The following NTM variants were observed in gnomAD, a reference collection of about 807,000 sequenced individuals.
NTM encodes the protein neurotrimin.
A neutral mutation model predicts 42.1 loss-of-function variants in NTM; 13 were observed. That is an observed-to-expected ratio of 0.31 (90% CI 0.20 to 0.49). NTM has a LOEUF of 0.49. Among genes scored for constraint, NTM ranks in the 20% least tolerant of loss-of-function variants. The pLI, the probability that NTM is intolerant of heterozygous loss-of-function variation, is 0.99. For missense variants in NTM, 373 were observed against 452.8 expected (o/e 0.82, Z 1.60); for synonymous variants, 187 against 179.2 (o/e 1.04, Z -0.35).
intron 1 of NTM, among the ~76,000 whole-genome samples, chr11:131,557,345 G>A (rs117724404): frequency 0.022 from 3,380 of 152,158 alleles, 64 homozygotes; most frequent in Non-Finnish European, 0.036. Context: ...GATCATTGAC[G>A]CCCCGACCCT....
At chr11:132,118,838 A>G (rs2064280849) in intron 2 of NTM, among the ~76,000 whole-genome samples, 1 of 152,160 alleles carries the variant, frequency 6.6e-6, no homozygotes, top group Non-Finnish European at 1.5e-5. Flanking sequence ...GTGAGGAGGT[A>G]ATCTGTTCTT....
chr11:131,806,792 G>A (rs2092512057), intron 1 of NTM, among the ~76,000 whole-genome samples: 2 of 152,114 alleles, frequency 1.3e-5, no homozygotes, highest in Admixed American at 1.3e-4. Context: ...GATATTTATG[G>A]ATTTCTTATT....
chr11:131,957,115 A>G (rs71485706), intron 2 of NTM, among the ~76,000 whole-genome samples: 17,539 of 152,240 alleles, frequency 0.12, 1,031 homozygotes, highest in East Asian at 0.21. Flanking sequence ...CGAGGTGGCC[A>G]TGCTAGAATT....
At chr11:131,655,341 T>C (rs2067043010) in intron 1 of NTM, among the ~76,000 whole-genome samples, 1 of 152,258 alleles carries the variant, frequency 6.6e-6, no homozygotes, top group African/African-American at 2.4e-5. Flanking sequence ...TCTGGAATTC[T>C]TAGCAATTTC....
chr11:131,903,768 C>T (rs528505937), intron 1 of NTM, among the ~76,000 whole-genome samples: 76 of 152,254 alleles, frequency 5.0e-4, no homozygotes, highest in South Asian at 6.2e-4. Flanking sequence ...CAGAGCTATT[C>T]CAGTGAGCTG....
chr11:132,210,061 A>G (rs937587799), intron 3 of NTM, among the ~76,000 whole-genome samples: 1 of 152,088 alleles, frequency 6.6e-6, no homozygotes, highest in African/African-American at 2.4e-5. Context: ...TTGCAAACCC[A>G]TCTGATTTTA....
intron 2 of NTM, among the ~76,000 whole-genome samples, chr11:132,024,048 GACCTCGTGATCCGCCC>G: frequency 6.6e-6 from 1 of 151,876 alleles, no homozygotes; most frequent in Admixed American, 6.6e-5. Flanking sequence ...TCGATCTCCT[GACCTCGTGATCCGCCC>G]ACCTCGGGCT....
At chr11:131,393,165 C>T (rs529455020) in intron 1 of NTM, among the ~76,000 whole-genome samples, 2 of 152,262 alleles carry the variant, frequency 1.3e-5, no homozygotes, top group Non-Finnish European at 2.9e-5. Flanking sequence ...TAGCCCATCT[C>T]CCTGAGCCCA....
At chr11:132,176,375 A>C (rs1372559318) in intron 3 of NTM, among the ~76,000 whole-genome samples, 3 of 152,196 alleles carry the variant, frequency 2.0e-5, no homozygotes, top group African/African-American at 7.2e-5. Flanking sequence ...AAAGAAAAAA[A>C]AAACCTGTTT....
At chr11:131,769,179 A>C (rs1218102193) in intron 1 of NTM, among the ~76,000 whole-genome samples, 2 of 152,168 alleles carry the variant, frequency 1.3e-5, no homozygotes, top group African/African-American at 4.8e-5. Context: ...CCTCACAGAG[A>C]TTATCTCCTA....
chr11:132,114,292 G>A (rs1023946062), intron 2 of NTM, among the ~76,000 whole-genome samples: 1 of 152,132 alleles, frequency 6.6e-6, no homozygotes, highest in African/African-American at 2.4e-5. Context: ...GTAGTACTTC[G>A]AACACTTTTC....
At chr11:132,304,176 A>T (rs956405901) in intron 4 of NTM, among the ~76,000 whole-genome samples, 1 of 152,220 alleles carries the variant, frequency 6.6e-6, no homozygotes. Context: ...CAGAAAAATA[A>T]GGAGCCATTT....
chr11:132,291,295 A>T (rs2094443875), intron 4 of NTM, among the ~76,000 whole-genome samples: 1 of 152,142 alleles, frequency 6.6e-6, no homozygotes, highest in Admixed American at 6.5e-5. Flanking sequence ...TTGGTGATGG[A>T]TTTGATATTG....
intron 1 of NTM, among the ~76,000 whole-genome samples, chr11:131,511,506 T>A (rs965688711): frequency 5.3e-5 from 8 of 152,246 alleles, no homozygotes; most frequent in African/African-American, 1.7e-4. Context: ...TCAGCAATGC[T>A]AGTGCCTCCA....
At chr11:131,818,553 G>A (rs550423878) in intron 1 of NTM, among the ~76,000 whole-genome samples, 3 of 152,138 alleles carry the variant, frequency 2.0e-5, no homozygotes, top group African/African-American at 7.2e-5. Context: ...GGGGGTTGGG[G>A]GCAGGCTATT....
chr11:131,814,102 C>T (rs1282171318), intron 1 of NTM, among the ~76,000 whole-genome samples: 1 of 152,084 alleles, frequency 6.6e-6, no homozygotes, highest in Admixed American at 6.5e-5. Context: ...AATGTACTTC[C>T]CAGAGAGCTT....
At chr11:132,256,512 C>T (rs565528236) in intron 4 of NTM, among the ~76,000 whole-genome samples, 77 of 152,292 alleles carry the variant, frequency 5.1e-4, no homozygotes, top group African/African-American at 1.7e-3. Context: ...ATCACTTTGC[C>T]GGCTTTTTCT....
chr11:131,635,895 A>G (rs1489854368), intron 1 of NTM, among the ~76,000 whole-genome samples: 1 of 152,060 alleles, frequency 6.6e-6, no homozygotes, highest in Non-Finnish European at 1.5e-5. Context: ...GTTTTGTTAT[A>G]TTTAGATACA....
chr11:132,125,381 GGTGT>G, intron 2 of NTM, among the ~76,000 whole-genome samples: 1 of 135,742 alleles, frequency 7.4e-6, no homozygotes, highest in Non-Finnish European at 1.6e-5. Flanking sequence ...TGTGTGTGGT[GGTGT>G]ATGTGGTATG....
Sources: gnomAD v4.1 joint callset for allele counts (sites outside exome capture counted in the v4.1 genomes callset) on GRCh38, gnomAD v4.1.1 for gene constraint, MANE v1.5 for transcripts, NCBI Gene and HGNC (gene_info 2026-07-23, HGNC 2026-07-21) for gene names.